UST: variants seen among roughly 807,000 people sequenced by gnomAD.
UST encodes chondroitin sulfate 2-O-sulfotransferase.
In UST, 21 loss-of-function variants were observed where a neutral mutation model predicts 45.6. That is an observed-to-expected ratio of 0.46 (90% CI 0.33 to 0.66). The LOEUF (loss-of-function observed/expected upper bound fraction) is 0.66, where lower values mean the gene tolerates loss of function less well. Among genes scored for constraint, UST ranks in the 30% least tolerant of loss-of-function variants. The pLI is 0.02. For synonymous variants in UST, 215 were observed against 200.6 expected (o/e 1.07, Z -0.61); for missense variants, 463 against 512.4 (o/e 0.90, Z 0.93).
chr6:148,988,760 C>G (rs1198999093), intron 5 of UST, among the ~76,000 whole-genome samples: 1 of 151,918 alleles, frequency 6.6e-6, no homozygotes, highest in Non-Finnish European at 1.5e-5. Flanking sequence ...TCTTCCCAAC[C>G]AAATGCCAAT....
intron 2 of UST, among the ~76,000 whole-genome samples, chr6:148,904,533 T>A (rs1188612586): frequency 6.6e-6 from 1 of 152,072 alleles, no homozygotes; most frequent in Non-Finnish European, 1.5e-5. Flanking sequence ...TTAGTAATGC[T>A]TTTCTTTTTT....
chr6:149,043,014 T>TCTTG lies in UST; in HGVS notation c.937+21536_937+21537insGCTT, dbSNP rs1562337781. The stretch of plus-strand genomic sequence containing the variant: ...TTCTTTCTTTCTTTCTTTCTTTCTT[T>TCTTG]CTTTCTTTTTCTTTCTTTCTTTCTT... On this transcript the variant is annotated intron_variant, in intron 7 of 7. Coordinates refer to ENST00000367463, the MANE Select transcript of UST (RefSeq NM_005715.3). 1.6e-3 allele frequency among the ~76,000 whole-genome samples: 125 copies of TCTTG among 76,112 alleles called. 2 individuals carry two copies. Among genetic ancestry groups the TCTTG allele is most frequent in the Non-Finnish European group, 2.1e-3 (72 of 34,512 alleles). The allele number at this position is 76,112 out of a possible 152,430, so 49.9% of individuals were successfully genotyped here.
intron 3 of UST, among the ~76,000 whole-genome samples, chr6:148,947,937 A>C (rs1238482522): frequency 6.6e-6 from 1 of 150,896 alleles, no homozygotes; most frequent in Non-Finnish European, 1.5e-5. Flanking sequence ...AAAAAAAAGA[A>C]AAACAAGGAA....
At position 148,909,318 on chromosome 6, in the gene UST, A is replaced by G. The variant is rs141638504; in HGVS notation, c.291+22289A>G. On this transcript the variant is annotated intron_variant, in intron 2 of 7. Coordinates refer to ENST00000367463, the MANE Select transcript of UST (RefSeq NM_005715.3). ...TTTCATTTGCCTTTGGTCCTGAGCA[A>G]TCTGAACAACAGAATTCCAAAAGTC... Among the ~76,000 whole-genome samples, 955 of 152,290 alleles carry G rather than the reference A, an allele frequency of 6.3e-3. 9 individuals are homozygous for G. Among genetic ancestry groups the G allele is most frequent in the African/African-American group, 0.021 (893 of 41,550 alleles).
intron 7 of UST, among the ~76,000 whole-genome samples, chr6:149,065,325 G>C (rs984787325): frequency 2.0e-5 from 3 of 152,162 alleles, no homozygotes; most frequent in Non-Finnish European, 2.9e-5. Context: ...TGTTTTGTTT[G>C]GATGGAAAGT....
intron 1 of UST, among the ~76,000 whole-genome samples, chr6:148,800,508 T>C (rs1337817505): frequency 6.6e-6 from 1 of 152,210 alleles, no homozygotes; most frequent in Non-Finnish European, 1.5e-5. Context: ...AAAGTGTCCT[T>C]GTCTTATGGT....
intron 3 of UST, among the ~76,000 whole-genome samples, chr6:148,947,466 C>T (rs570431552): frequency 1.3e-5 from 2 of 152,296 alleles, no homozygotes; most frequent in South Asian, 2.1e-4. Flanking sequence ...GAAAAACTCC[C>T]GAAGAGGTCC....
At chr6:149,018,428 T>C (rs758880115) in intron 5 of UST, among the ~76,000 whole-genome samples, 34 of 152,328 alleles carry the variant, frequency 2.2e-4, no homozygotes, top group Admixed American at 3.9e-4. Flanking sequence ...GAATGAGGCA[T>C]GTCTTATTTA....
At chr6:148,816,054 A>T (rs1777348128) in intron 1 of UST, among the ~76,000 whole-genome samples, 1 of 152,238 alleles carries the variant, frequency 6.6e-6, no homozygotes, top group Non-Finnish European at 1.5e-5. Flanking sequence ...CCTACACGGC[A>T]CCCACATTCT....
At chr6:148,787,980 A>C (rs78167134) in intron 1 of UST, among the ~76,000 whole-genome samples, 1,835 of 152,304 alleles carry the variant, frequency 0.012, 22 homozygotes, top group South Asian at 0.068. Context: ...TGCTTGTATT[A>C]GTCTGTTTTC....
chr6:149,017,480 A>G (rs969915452), intron 5 of UST, among the ~76,000 whole-genome samples: 3 of 152,222 alleles, frequency 2.0e-5, no homozygotes, highest in Non-Finnish European at 4.4e-5. Flanking sequence ...CTTTATGCCA[A>G]CCACCAGAAA....
At chr6:148,998,084 T>G (rs1265161459) in intron 5 of UST, among the ~76,000 whole-genome samples, 2 of 152,248 alleles carry the variant, frequency 1.3e-5, no homozygotes, top group Admixed American at 6.5e-5. Flanking sequence ...CCTCTTCAGC[T>G]AAGAAGGCAA....
At chr6:149,072,563 G>C (rs774653849) in intron 7 of UST, among the ~76,000 whole-genome samples, 7 of 151,826 alleles carry the variant, frequency 4.6e-5, no homozygotes, top group Non-Finnish European at 7.4e-5. Flanking sequence ...TGAGGCAGGA[G>C]AATCACTTGA....
At chr6:148,779,373 C>T (rs942892885) in intron 1 of UST, among the ~76,000 whole-genome samples, 56 of 152,312 alleles carry the variant, frequency 3.7e-4, no homozygotes, top group African/African-American at 1.3e-3. Flanking sequence ...ATCTCTTTGA[C>T]GTTAGTTCCT....
intron 1 of UST, among the ~76,000 whole-genome samples, chr6:148,836,515 C>T (rs1209079571): frequency 5.3e-5 from 8 of 152,290 alleles, no homozygotes; most frequent in African/African-American, 1.9e-4. Flanking sequence ...CGAACCTTTT[C>T]GCTGAGTCGC....
At chr6:148,870,192 T>C (rs1319525591) in intron 1 of UST, among the ~76,000 whole-genome samples, 1 of 151,602 alleles carries the variant, frequency 6.6e-6, no homozygotes, top group Non-Finnish European at 1.5e-5. Flanking sequence ...TATACCACCC[T>C]GGACTGAGAC....
chr6:149,017,725 C>T (rs770590038), intron 5 of UST, among the ~76,000 whole-genome samples: 5 of 151,912 alleles, frequency 3.3e-5, no homozygotes, highest in East Asian at 3.9e-4. Flanking sequence ...ACCAATCCCC[C>T]GTTCGTGAAC....
chr6:149,017,748 C>T (rs1006463522), intron 5 of UST, among the ~76,000 whole-genome samples: 1 of 150,376 alleles, frequency 6.6e-6, no homozygotes, highest in African/African-American at 2.5e-5. Context: ...GTAAATTCTG[C>T]CATATTTTGT....
At chr6:148,779,881 G>C (rs1012760458) in intron 1 of UST, among the ~76,000 whole-genome samples, 3 of 152,006 alleles carry the variant, frequency 2.0e-5, no homozygotes, top group Admixed American at 6.5e-5. Flanking sequence ...CCTCCTGTTA[G>C]CTGCCTCTGT....
Sources: allele counts gnomAD v4.1 joint callset (sites outside exome capture counted in the v4.1 genomes callset), GRCh38; gene constraint gnomAD v4.1.1; transcripts MANE v1.5; gene names NCBI Gene and HGNC (gene_info 2026-07-23, HGNC 2026-07-21).